Variants in DLGAP1 observed in about 807,000 individuals in gnomAD.
The protein encoded by DLGAP1 is disks large-associated protein 1.
DLGAP1 carries 11 observed loss-of-function variants against 90.8 expected under a neutral mutation model. The ratio of observed to expected loss-of-function variants is 0.12; its 90% CI spans 0.08 to 0.20. The LOEUF (loss-of-function observed/expected upper bound fraction) is 0.20, where lower values mean the gene tolerates loss of function less well. DLGAP1 is among the 10% of genes least tolerant of loss of function. The pLI is 1.00. For synonymous variants in DLGAP1, 558 were observed against 540.7 expected, an observed-to-expected ratio of 1.03 and a Z score of -0.44; for missense variants, 1,050 against 1,333.8, an observed-to-expected ratio of 0.79 and a Z score of 3.31.
chr18:3,822,632 G>C (rs1248225535), intron 4 of DLGAP1, among the ~76,000 whole-genome samples: 1 of 152,180 alleles, frequency 6.6e-6, no homozygotes, highest in Non-Finnish European at 1.5e-5. Context: ...TCCTGGTGAT[G>C]AAACTGTTCC....
intron 3 of DLGAP1, among the ~76,000 whole-genome samples, chr18:3,954,100 G>C (rs56356950): frequency 0.035 from 5,262 of 152,188 alleles, 291 homozygotes; most frequent in African/African-American, 0.11. Context: ...ATATATAAAA[G>C]TTATAGACAA....
intron 1 of DLGAP1, among the ~76,000 whole-genome samples, chr18:4,251,627 T>C (rs1485557507): frequency 2.0e-5 from 3 of 152,170 alleles, no homozygotes; most frequent in East Asian, 1.9e-4. Context: ...CTTTGTAAAA[T>C]AGGATTACAA....
chr18:4,386,094 G>T (rs2082224636), intron 1 of DLGAP1, among the ~76,000 whole-genome samples: 2 of 152,162 alleles, frequency 1.3e-5, no homozygotes, highest in African/African-American at 4.8e-5. Context: ...GAATGTGTTT[G>T]TGACAAGGGA....
intron 1 of DLGAP1, among the ~76,000 whole-genome samples, chr18:4,259,748 T>C (rs1356755447): frequency 6.6e-6 from 1 of 152,134 alleles, no homozygotes; most frequent in African/African-American, 2.4e-5. Flanking sequence ...ATAGAAATAA[T>C]ATAAAGAACA....
At chr18:4,034,893 C>G (rs527681490) in intron 2 of DLGAP1, among the ~76,000 whole-genome samples, 1 of 151,296 alleles carries the variant, frequency 6.6e-6, no homozygotes, top group African/African-American at 2.4e-5. Flanking sequence ...GCACTAAATG[C>G]TAATTCTTAC....
intron 1 of DLGAP1, among the ~76,000 whole-genome samples, chr18:4,375,494 G>A (rs1004152109): frequency 6.6e-6 from 1 of 152,098 alleles, no homozygotes; most frequent in Non-Finnish European, 1.5e-5. Flanking sequence ...TCTACTTGGT[G>A]ATAAATAGAT....
At chr18:3,528,806 C>T (rs1251435694) in intron 10 of DLGAP1, among the ~76,000 whole-genome samples, 2 of 152,174 alleles carry the variant, frequency 1.3e-5, no homozygotes, top group African/African-American at 2.4e-5. Context: ...ACGGCACTGA[C>T]TAGAATTTTG....
chr18:3,966,721 T>C (rs2073339751), intron 3 of DLGAP1, among the ~76,000 whole-genome samples: 1 of 152,118 alleles, frequency 6.6e-6, no homozygotes, highest in Non-Finnish European at 1.5e-5. Flanking sequence ...AGTGAGGATT[T>C]TGTTTTGGAC....
At chr18:3,691,512 T>C (rs1427180216) in intron 7 of DLGAP1, among the ~76,000 whole-genome samples, 1 of 152,066 alleles carries the variant, frequency 6.6e-6, no homozygotes, top group Non-Finnish European at 1.5e-5. Context: ...TATCTTTACA[T>C]TTATGGGCCT....
intron 1 of DLGAP1, among the ~76,000 whole-genome samples, chr18:4,206,198 G>C (rs2077716993): frequency 6.6e-6 from 1 of 152,148 alleles, no homozygotes; most frequent in Admixed American, 6.5e-5. Flanking sequence ...GGAGCTTTAA[G>C]TGAATAGGTC....
chr18:3,549,141 G>T (rs1351008518), intron 9 of DLGAP1, among the ~76,000 whole-genome samples: 1 of 152,136 alleles, frequency 6.6e-6, no homozygotes, highest in Non-Finnish European at 1.5e-5. Context: ...GTTCTAAAAG[G>T]CTGGTTATGA....
At chr18:3,728,300 T>TTATATATATATATATATATA (rs200480157) in intron 7 of DLGAP1, among the ~76,000 whole-genome samples, 5 of 123,644 alleles carry the variant, frequency 4.0e-5, no homozygotes, top group East Asian at 2.8e-4. Flanking sequence ...AACGCAAATG[T>TTATATATATATATATATATA]TATATATATA....
chr18:4,239,633 C>T (rs1186923682), intron 1 of DLGAP1, among the ~76,000 whole-genome samples: 1 of 152,158 alleles, frequency 6.6e-6, no homozygotes, highest in East Asian at 1.9e-4. Context: ...GGGTAAGTGG[C>T]TCTGGAGCCA....
chr18:4,146,815 T>C (rs2076592453), intron 2 of DLGAP1, among the ~76,000 whole-genome samples: 1 of 152,196 alleles, frequency 6.6e-6, no homozygotes, highest in Non-Finnish European at 1.5e-5. Flanking sequence ...GAGTGCGTTC[T>C]GAGGTTGACT....
intron 7 of DLGAP1, among the ~76,000 whole-genome samples, chr18:3,687,600 A>G (rs1280638468): frequency 6.6e-6 from 1 of 152,206 alleles, no homozygotes; most frequent in Admixed American, 6.5e-5. Flanking sequence ...TTAATATATG[A>G]AGCTTTATTA....
chr18:3,906,034 C>G (rs997078077), intron 3 of DLGAP1, among the ~76,000 whole-genome samples: 1 of 152,172 alleles, frequency 6.6e-6, no homozygotes, highest in African/African-American at 2.4e-5. Flanking sequence ...AATCCCAAGT[C>G]CCTCCTTTTA....
At chr18:3,976,208 A>G (rs1320729058) in intron 3 of DLGAP1, among the ~76,000 whole-genome samples, 5 of 97,872 alleles carry the variant, frequency 5.1e-5, no homozygotes, top group Admixed American at 1.0e-4. Context: ...AATAATAATA[A>G]TAATAATAAT....
intron 3 of DLGAP1, among the ~76,000 whole-genome samples, chr18:3,972,627 C>T (rs1230117293): frequency 1.3e-5 from 2 of 152,166 alleles, no homozygotes; most frequent in South Asian, 2.1e-4. Flanking sequence ...CCCTGGCATC[C>T]GATAGTCCTA....
chr18:4,238,878 C>A (rs1002859315), intron 1 of DLGAP1, among the ~76,000 whole-genome samples: 6 of 152,106 alleles, frequency 3.9e-5, no homozygotes, highest in Admixed American at 3.3e-4. Flanking sequence ...GAAAAATGCC[C>A]CTCTCCACCC....
Sources: gnomAD v4.1 joint callset for allele counts (sites outside exome capture counted in the v4.1 genomes callset) on GRCh38, gnomAD v4.1.1 for gene constraint, MANE v1.5 for transcripts, NCBI Gene and HGNC (gene_info 2026-07-23, HGNC 2026-07-21) for gene names.